PDE4C: variants seen among roughly 807,000 people sequenced by gnomAD.
PDE4C encodes the protein phosphodiesterase 4C.
In PDE4C, 50 loss-of-function variants were observed where a neutral mutation model predicts 63.9. The ratio of observed to expected loss-of-function variants is 0.78; its 90% CI spans 0.62 to 0.99. PDE4C has a LOEUF of 0.99. Among genes scored for constraint, PDE4C ranks in the 50% least tolerant of loss-of-function variants. The pLI, the probability that PDE4C is intolerant of heterozygous loss-of-function variation, is 0.00. For missense variants in PDE4C, 777 were observed against 899.1 expected, an observed-to-expected ratio of 0.86 and a Z score of 1.74; for synonymous variants, 377 against 385.1, an observed-to-expected ratio of 0.98 and a Z score of 0.25.
In PDE4C at chr19:18,220,350, G is replaced by C; in HGVS notation, c.613-31C>G. On this transcript the variant is annotated intron_variant, in intron 6 of 14. Transcript: ENST00000262805. The surrounding 1 kb of genome is among the most constrained non-coding windows in gnomAD (Gnocchi z 5.1). ...GCGGAGAGAAGGTGAAGACCGTGATGATGGGGCACCGTGGGCCGAGGCAGG... is the reference window on the plus strand; with the variant it reads ...GCGGAGAGAAGGTGAAGACCGTGATCATGGGGCACCGTGGGCCGAGGCAGG... The C allele has an allele frequency of 2.5e-6, 4 of 1,612,992 alleles. No individual in the cohort carries two copies. Among genetic ancestry groups the C allele is most frequent in the Non-Finnish European group, 3.4e-6 (4 of 1,178,984 alleles).
At chr19:18,246,577 C>G (rs974641176) in intron 1 of PDE4C, among the ~76,000 whole-genome samples, 1 of 152,084 alleles carries the variant, frequency 6.6e-6, no homozygotes, top group Non-Finnish European at 1.5e-5. Flanking sequence ...AGACCCGAGG[C>G]TCACCCTGAG....
At chr19:18,219,426 G>T in intron 7 of PDE4C, 29 bp from the exon 8 acceptor site, 1 of 1,554,404 alleles carries the variant, frequency 6.4e-7, no homozygotes, top group East Asian at 2.3e-5. Flanking sequence ...GAAGCTCAGA[G>T]AAGCCGATTT....
upstream of PDE4C, among the ~76,000 whole-genome samples, chr19:18,235,124 C>T (rs1968928827): frequency 6.6e-6 from 1 of 152,182 alleles, no homozygotes; most frequent in Non-Finnish European, 1.5e-5. Context: ...CATACCAGTG[C>T]CCCCTCTCCC....
At chr19:18,221,381 C>G (rs1968479132) in intron 2 of PDE4C, 84 bp from the exon 3 acceptor site, 5 of 1,373,812 alleles carry the variant, frequency 3.6e-6, no homozygotes, top group South Asian at 1.3e-5. Flanking sequence ...CTGAGGGGGT[C>G]CTGCTCTCAG....
chr19:18,219,924 G>A (rs1968384358), intron 7 of PDE4C, among the ~76,000 whole-genome samples: 1 of 151,968 alleles, frequency 6.6e-6, no homozygotes, highest in Admixed American at 6.6e-5. Flanking sequence ...GCCCCTGGGT[G>A]CCTGGGGCTC....
upstream of PDE4C, among the ~76,000 whole-genome samples, chr19:18,252,807 G>A (rs1426828889): frequency 6.6e-6 from 1 of 152,122 alleles, no homozygotes; most frequent in South Asian, 2.1e-4. Context: ...TAGTTTCACT[G>A]TGCTGGCCAG....
At chr19:18,210,854 TTC>T in exon 15 of PDE4C, 2 of 1,512,898 alleles carry the variant, frequency 1.3e-6, no homozygotes, top group Non-Finnish European at 1.8e-6. Flanking sequence ...ATGGAGCCTC[TTC>T]CTGGAAAGTC....
upstream of PDE4C, among the ~76,000 whole-genome samples, chr19:18,235,307 A>T (rs1008312969): frequency 2.0e-5 from 3 of 152,140 alleles, no homozygotes; most frequent in Non-Finnish European, 4.4e-5. Flanking sequence ...AGTAGCTGGG[A>T]TTACAAGCAC....
chr19:18,248,584 A>G (rs1969178330), upstream of PDE4C, among the ~76,000 whole-genome samples: 1 of 152,034 alleles, frequency 6.6e-6, no homozygotes, highest in East Asian at 1.9e-4. Context: ...GTAGGGGACC[A>G]GCAGCTCTGG....
chr19:18,211,255 C>A (rs1012278746), exon 15 of PDE4C: 1 of 1,587,464 alleles, frequency 6.3e-7, no homozygotes, highest in Non-Finnish European at 8.6e-7. Context: ...AGTGGGTGAG[C>A]AATGTAGTCA....
At chr19:18,226,812 C>T (rs1237442266), upstream of PDE4C, among the ~76,000 whole-genome samples, 1 of 151,834 alleles carries the variant, frequency 6.6e-6, no homozygotes, top group Non-Finnish European at 1.5e-5. Context: ...CTTTATGTTG[C>T]CCAGGCTGAT....
rs763386578 is a variant in PDE4C, at chr19:18,220,919, C to CAG, written c.453_454insCT (p.Gly152LeufsTer28). 8.7e-6 allele frequency: 14 copies of CAG among 1,604,452 alleles called. No individual in the cohort carries two copies. Among genetic ancestry groups the CAG allele is most frequent in the African/African-American group, 6.7e-5 (5 of 74,890 alleles). ...CTGGATGAAGGGTTTCCGACGGGTC[C>CAG]CTGCCTGCGGTACAGCAGCCTCAGG... On this transcript the variant is annotated frameshift_variant, in exon 5 of 15. Transcript: ENST00000262805. LOFTEE classifies it high-confidence loss of function. The surrounding 1 kb of genome is among the most constrained non-coding windows in gnomAD (Gnocchi z 5.1).
At chr19:18,231,772 G>A (rs1301511640) in intron 1 of PDE4C, among the ~76,000 whole-genome samples, 1 of 152,064 alleles carries the variant, frequency 6.6e-6, no homozygotes, top group Non-Finnish European at 1.5e-5. Flanking sequence ...TGGCCCTGGA[G>A]CCTCCACCTG....
intron 11 of PDE4C, chr19:18,217,178 T>A: frequency 3.9e-6 from 1 of 257,314 alleles, no homozygotes; most frequent in Non-Finnish European, 7.4e-6. Context: ...TTTCTTTTTC[T>A]TTTTTAGAGA....
chr19:18,235,034 A>G (rs1391001295), upstream of PDE4C, among the ~76,000 whole-genome samples: 1 of 152,116 alleles, frequency 6.6e-6, no homozygotes, highest in Non-Finnish European at 1.5e-5. Flanking sequence ...GAGGAATAAT[A>G]ATGGTGTCTC....
At chr19:18,211,029 G>A in exon 15 of PDE4C, 1 of 1,614,230 alleles carries the variant, frequency 6.2e-7, no homozygotes, top group Non-Finnish European at 8.5e-7. Context: ...TTTGGCTAAA[G>A]CTGTCTCTTC....
At chr19:18,229,779 C>T (rs1968813098), upstream of PDE4C, among the ~76,000 whole-genome samples, 1 of 151,328 alleles carries the variant, frequency 6.6e-6, no homozygotes, top group African/African-American at 2.4e-5. Flanking sequence ...TGTAGATGTT[C>T]GCATGGGTCA....
chr19:18,215,316 T>C (rs1190319880), intron 12 of PDE4C, among the ~76,000 whole-genome samples: 1 of 152,116 alleles, frequency 6.6e-6, no homozygotes, highest in South Asian at 2.1e-4. Context: ...GAAAGCACCT[T>C]GAACCTTCCT....
At chr19:18,242,870 G>C (rs1969067859) in intron 1 of PDE4C, among the ~76,000 whole-genome samples, 1 of 151,962 alleles carries the variant, frequency 6.6e-6, no homozygotes, top group African/African-American at 2.4e-5. Context: ...TGAGGACTTA[G>C]GATTTGATTC....
Sources: allele counts gnomAD v4.1 joint callset (sites outside exome capture counted in the v4.1 genomes callset), GRCh38; gene constraint gnomAD v4.1.1; non-coding constraint Gnocchi (gnomAD v3.1); transcripts MANE v1.5; gene names NCBI Gene and HGNC (gene_info 2026-07-23, HGNC 2026-07-21).